The following ACOT13 variants were observed in gnomAD, a reference collection of about 807,000 sequenced individuals.
ACOT13 encodes acyl-coenzyme A thioesterase 13.
A neutral mutation model predicts 11.8 loss-of-function variants in ACOT13; 10 were observed. The observed-to-expected ratio is 0.85, with a 90% CI of 0.53 to 1.44. The LOEUF (loss-of-function observed/expected upper bound fraction) is 1.44, where lower values mean the gene tolerates loss of function less well. Among genes scored for constraint, ACOT13 ranks in the 40% most tolerant of loss-of-function variants. The probability of loss-of-function intolerance (pLI) is 0.00; values close to 1 mark genes in which losing one functional copy is unlikely to be tolerated. For missense variants in ACOT13, 172 were observed against 174.1 expected, an observed-to-expected ratio of 0.99 and a Z score of 0.07; for synonymous variants, 53 against 61.0, an observed-to-expected ratio of 0.87 and a Z score of 0.61.
intron 1 of ACOT13, among the ~76,000 whole-genome samples, chr6:24,684,082 T>C (rs1336927679): frequency 1.3e-5 from 2 of 152,162 alleles, no homozygotes; most frequent in Non-Finnish European, 2.9e-5. Context: ...CAGAATCAGC[T>C]GCAGTCATGT....
intron 1 of ACOT13, among the ~76,000 whole-genome samples, chr6:24,676,096 T>C (rs1778449445): frequency 6.6e-6 from 1 of 152,270 alleles, no homozygotes; most frequent in African/African-American, 2.4e-5. Context: ...TCTGTTTTGG[T>C]ACCAGTACCA....
At chr6:24,671,476 G>T (rs1055839477) in intron 1 of ACOT13, among the ~76,000 whole-genome samples, 2 of 151,938 alleles carry the variant, frequency 1.3e-5, no homozygotes, top group Non-Finnish European at 2.9e-5. Context: ...GTGGGGGGAT[G>T]GGGGAGGGAT....
At chr6:24,670,279 GATA>G (rs1166947139) in intron 1 of ACOT13, among the ~76,000 whole-genome samples, 1 of 152,210 alleles carries the variant, frequency 6.6e-6, no homozygotes, top group Non-Finnish European at 1.5e-5. Context: ...AGGAATCTCA[GATA>G]AGATTCTTTT....
In ACOT13 at chr6:24,701,862, G is replaced by T; in HGVS notation, c.*247G>T. 1 of 364,028 alleles carries T rather than the reference G, an allele frequency of 2.7e-6. No individual in the cohort carries two copies. Among genetic ancestry groups the T allele is most frequent in the South Asian group, 5.6e-5 (1 of 17,752 alleles). The allele number at this position is 364,028 out of a possible 1,614,324, so 22.5% of individuals were successfully genotyped here. A position where few individuals can be genotyped will look rare whatever the true frequency, so the allele number is the denominator to read the frequency against. On this transcript the variant is annotated 3_prime_UTR_variant, in exon 3 of 3. Transcript: ENST00000230048. The stretch of plus-strand genomic sequence containing the variant: ...TTAGCTCAAAGTGTTTTAAAAACAG[G>T]TAAAGCAAAGAAACTAGCAGGACCA...
intron 1 of ACOT13, among the ~76,000 whole-genome samples, chr6:24,686,694 CTTCTT>C (rs746965547): frequency 3.7e-4 from 53 of 143,932 alleles, no homozygotes; most frequent in East Asian, 2.4e-3. Context: ...CTCTTCTCTT[CTTCTT>C]TTCTTTTCTT....
chr6:24,699,388 T>C lies in ACOT13; in HGVS notation c.266+1321T>C, dbSNP rs569262884. Among the ~76,000 whole-genome samples the C allele has an allele frequency of 4.7e-4, 71 of 152,204 alleles. No homozygotes were observed. In the South Asian group the frequency reaches 0.014, roughly 29 times the overall value. The stretch of plus-strand genomic sequence containing the variant: ...CCATGCCCGACTAATTTGTTTGTAT[T>C]TTTAGTAGAGATGGGGTTTCACCGT... On this transcript the variant is annotated intron_variant, in intron 2 of 2. Coordinates refer to ENST00000230048, the MANE Select transcript of ACOT13 (RefSeq NM_018473.4).
intron 2 of ACOT13, 181 bp from the exon 3 acceptor site, chr6:24,701,278 G>A (rs1778886978): frequency 2.4e-6 from 1 of 416,178 alleles, no homozygotes; most frequent in Admixed American, 4.5e-5. Flanking sequence ...GTAAGGAATG[G>A]GTAAAATAGA....
At chr6:24,674,990 T>A (rs1778427819) in intron 1 of ACOT13, among the ~76,000 whole-genome samples, 1 of 151,414 alleles carries the variant, frequency 6.6e-6, no homozygotes, top group Non-Finnish European at 1.5e-5. Context: ...TGTTTGGTTT[T>A]CTTTCCTTGA....
rs905674263 is a variant in ACOT13, at chr6:24,704,168, C to T, written c.*2553C>T. 2.6e-5 allele frequency: 4 copies of T among 151,918 alleles called. No individual in the cohort carries two copies. The highest frequency in any genetic ancestry group is 9.7e-5 in the African/African-American group (4 of 41,330). The allele number at this position is 151,918 out of a possible 1,614,324, so 9.4% of individuals were successfully genotyped here. On this transcript the variant is annotated 3_prime_UTR_variant, in exon 3 of 3. Transcript: ENST00000230048. Reference sequence around the variant, plus strand: ...TGTACTTGGAACATATGCCGAAGTACTAAGGAAGGGGTAAGGAAGCACAAA... The same window carrying T: ...TGTACTTGGAACATATGCCGAAGTATTAAGGAAGGGGTAAGGAAGCACAAA...
intron 1 of ACOT13, among the ~76,000 whole-genome samples, chr6:24,679,966 A>G (rs1335997834): frequency 4.6e-5 from 7 of 152,190 alleles, no homozygotes; most frequent in Non-Finnish European, 8.8e-5. Context: ...TGGAGGGGGC[A>G]TAATCGGGGA....
chr6:24,701,266 G>T, intron 2 of ACOT13, 193 bp from the exon 3 acceptor site: 1 of 384,904 alleles, frequency 2.6e-6, no homozygotes. Flanking sequence ...AAACTTGTGT[G>T]GGTAAGGAAT....
intron 2 of ACOT13, chr6:24,700,863 T>C (rs1249073355): frequency 6.6e-6 from 1 of 152,188 alleles, no homozygotes; most frequent in Non-Finnish European, 1.5e-5. Context: ...TGTAAGGAAA[T>C]TATTTCCCTT....
intron 1 of ACOT13, among the ~76,000 whole-genome samples, chr6:24,695,124 C>A (rs1778773887): frequency 6.6e-6 from 1 of 152,084 alleles, no homozygotes; most frequent in Non-Finnish European, 1.5e-5. Context: ...ACCTGGCTAA[C>A]ATGGCAAAAC....
At chr6:24,682,430 ATGGAATCT>A (rs1778566457) in intron 1 of ACOT13, among the ~76,000 whole-genome samples, 1 of 152,156 alleles carries the variant, frequency 6.6e-6, no homozygotes, top group Non-Finnish European at 1.5e-5. Context: ...ATTCCAAGGA[ATGGAATCT>A]TGGGCCATGC....
chr6:24,677,013 C>CT (rs1778464936), intron 1 of ACOT13, among the ~76,000 whole-genome samples: 1 of 152,184 alleles, frequency 6.6e-6, no homozygotes, highest in Admixed American at 6.5e-5. Flanking sequence ...CGAGTGAGGG[C>CT]TATTAGTTCT....
chr6:24,689,446 A>G (rs1255698977), intron 1 of ACOT13, among the ~76,000 whole-genome samples: 1 of 152,154 alleles, frequency 6.6e-6, no homozygotes, highest in Non-Finnish European at 1.5e-5. Flanking sequence ...AAATAGAGAG[A>G]CCCCATCTCT....
chr6:24,668,160 C>T (rs747215253), intron 1 of ACOT13, among the ~76,000 whole-genome samples: 5 of 151,678 alleles, frequency 3.3e-5, no homozygotes, highest in African/African-American at 4.8e-5. Flanking sequence ...CGCCTGCCTC[C>T]GCCTCCCAAA....
chr6:24,676,126 G>A (rs1380046467), intron 1 of ACOT13, among the ~76,000 whole-genome samples: 1 of 152,192 alleles, frequency 6.6e-6, no homozygotes, highest in Non-Finnish European at 1.5e-5. Flanking sequence ...GGTTACTGTA[G>A]CCTTGTAGTA....
chr6:24,685,825 A>G (rs539892121), intron 1 of ACOT13, among the ~76,000 whole-genome samples: 3 of 152,168 alleles, frequency 2.0e-5, no homozygotes, highest in Non-Finnish European at 4.4e-5. Context: ...TCTGTGCCCT[A>G]TTCCCCCACA....
Sources: gnomAD v4.1 joint callset for allele counts (sites outside exome capture counted in the v4.1 genomes callset) on GRCh38, gnomAD v4.1.1 for gene constraint, MANE v1.5 for transcripts, NCBI Gene and HGNC (gene_info 2026-07-23, HGNC 2026-07-21) for gene names.